The following ASAP2 variants were observed in gnomAD, a reference collection of about 807,000 sequenced individuals.
ASAP2 encodes the protein arf-GAP with SH3 domain, ANK repeat and PH domain-containing protein 2.
ASAP2 carries 45 observed loss-of-function variants against 131.4 expected under a neutral mutation model. That is an observed-to-expected ratio of 0.34 (90% CI 0.27 to 0.44). ASAP2 has a LOEUF of 0.44. Among genes scored for constraint, ASAP2 ranks in the 20% least tolerant of loss-of-function variants. ASAP2 has a pLI of 1.00. For missense variants in ASAP2, 1,011 were observed against 1,297.0 expected (o/e 0.78, Z 3.39); for synonymous variants, 510 against 503.0 (o/e 1.01, Z -0.19).
At chr2:9,294,155 T>C (rs1159086205) in intron 2 of ASAP2, among the ~76,000 whole-genome samples, 4 of 152,002 alleles carry the variant, frequency 2.6e-5, no homozygotes, top group Non-Finnish European at 5.9e-5. Flanking sequence ...TGTGCCACCA[T>C]GCCTGGCTAA....
chr2:9,256,961 T>G (rs1230196473), intron 1 of ASAP2, among the ~76,000 whole-genome samples: 1 of 152,234 alleles, frequency 6.6e-6, no homozygotes, highest in Non-Finnish European at 1.5e-5. Context: ...GCACAGCTGA[T>G]GGACTCATTC....
chr2:9,255,983 C>G (rs969680035), intron 1 of ASAP2, among the ~76,000 whole-genome samples: 3 of 152,010 alleles, frequency 2.0e-5, no homozygotes, highest in Admixed American at 2.0e-4. Context: ...TACAGTACCT[C>G]CAGTGATCTG....
chr2:9,395,051 G>A (rs1249266714), intron 24 of ASAP2, among the ~76,000 whole-genome samples: 1 of 152,160 alleles, frequency 6.6e-6, no homozygotes, highest in Non-Finnish European at 1.5e-5. Flanking sequence ...CCCAGAGAGA[G>A]GCCTGGCCCT....
At chr2:9,273,122 GT>G (rs1488363596) in intron 1 of ASAP2, among the ~76,000 whole-genome samples, 3 of 152,180 alleles carry the variant, frequency 2.0e-5, no homozygotes, top group African/African-American at 7.2e-5. Context: ...CATTGAATCT[GT>G]AAATCGTTCT....
chr2:9,247,716 G>A (rs555400966), intron 1 of ASAP2, among the ~76,000 whole-genome samples: 20 of 152,298 alleles, frequency 1.3e-4, no homozygotes, highest in African/African-American at 4.3e-4. Flanking sequence ...TGCCAGACGC[G>A]GAGTAGGTGT....
chr2:9,378,429 G>A (rs989377749), intron 18 of ASAP2, among the ~76,000 whole-genome samples: 1 of 152,210 alleles, frequency 6.6e-6, no homozygotes, highest in Non-Finnish European at 1.5e-5. Flanking sequence ...GGAGCCTGGG[G>A]ACTCTGGGCT....
chr2:9,235,188 C>T (rs59614278), intron 1 of ASAP2, among the ~76,000 whole-genome samples: 7,074 of 152,186 alleles, frequency 0.046, 431 homozygotes, highest in African/African-American at 0.13. Context: ...TAGAATTAAT[C>T]GAGTTAGAGA....
intron 2 of ASAP2, among the ~76,000 whole-genome samples, chr2:9,289,930 A>G (rs1288652448): frequency 6.6e-6 from 1 of 152,124 alleles, no homozygotes; most frequent in Non-Finnish European, 1.5e-5. Flanking sequence ...GGAAATGGGT[A>G]TTGAAAGTGG....
intron 15 of ASAP2, 113 bp from the exon 16 acceptor site, chr2:9,368,312 A>G: frequency 1.0e-6 from 1 of 955,024 alleles, no homozygotes; most frequent in South Asian, 1.5e-5. Flanking sequence ...AAACCACTTT[A>G]TTGCTCTATT....
At chr2:9,388,249 G>A (rs776122877) in intron 21 of ASAP2, 45 bp from the exon 22 acceptor site, 2 of 1,607,794 alleles carry the variant, frequency 1.2e-6, no homozygotes, top group African/African-American at 1.3e-5. Context: ...ACCAGGAGCA[G>A]TTCATATTTG....
chr2:9,394,865 G>A (rs1675993618), intron 24 of ASAP2, among the ~76,000 whole-genome samples: 2 of 152,208 alleles, frequency 1.3e-5, no homozygotes, highest in South Asian at 4.1e-4. Flanking sequence ...GCCTGGGGGT[G>A]GTTGGACACA....
At chr2:9,331,426 C>T (rs1025854063) in intron 7 of ASAP2, among the ~76,000 whole-genome samples, 1 of 152,168 alleles carries the variant, frequency 6.6e-6, no homozygotes, top group African/African-American at 2.4e-5. Flanking sequence ...AGATCCTGTA[C>T]TCTAGCGGAA....
rs977096494 is a variant in ASAP2 at position 9,374,901 on chromosome 2, A to G, written c.1703A>G (p.Asp568Gly). ...DIFGLLQAYA[D>G]GVDLTEKIPL... ...TTTGGATTGCTCCAAGCTTATGCTG[A>G]TGGTGTGGATCTTACGGAAAAAATC... Residue 568 changes from aspartate to glycine, a missense_variant, in exon 17 of 28, where the codon GAT becomes GGT. This residue lies in a region of ASAP2 where 652 missense variants were observed against 698.9 expected (regional missense o/e 0.93). Transcript: ENST00000281419. 4.4e-6 allele frequency: 7 copies of G among 1,599,002 alleles called. No homozygotes were observed. The highest frequency in any genetic ancestry group is 1.4e-5 in the African/African-American group (1 of 73,874).
intron 20 of ASAP2, among the ~76,000 whole-genome samples, chr2:9,383,762 C>G (rs746036241): frequency 2.6e-5 from 4 of 152,108 alleles, no homozygotes; most frequent in Non-Finnish European, 5.9e-5. Context: ...TGGAACCAAC[C>G]CAAATGTCTG....
chr2:9,399,848 C>T (rs1676475028), intron 24 of ASAP2, 175 bp from the exon 25 acceptor site: 2 of 651,188 alleles, frequency 3.1e-6, no homozygotes, highest in Non-Finnish European at 5.3e-6. Context: ...TTAGCACTTT[C>T]CTCAGGGCCT....
At position 9,290,451 on chromosome 2, in the gene ASAP2, C is replaced by G. The variant is rs113082089; in HGVS notation, c.200-6849C>G. On this transcript the variant is annotated intron_variant, in intron 2 of 27. Coordinates refer to ENST00000281419, the MANE Select transcript of ASAP2 (RefSeq NM_003887.3). The stretch of plus-strand genomic sequence containing the variant: ...TCTTGAACTCCTGACCTCAAGAGAT[C>G]TGCCCATCTCGGCCTCCCAAAGTGC... 4.0e-3 allele frequency among the ~76,000 whole-genome samples: 606 copies of G among 152,300 alleles called. 1 individual carries two copies. The highest frequency in any genetic ancestry group is 0.014 in the African/African-American group (576 of 41,574).
At chr2:9,376,507 CAT>C (rs1572583536) in intron 17 of ASAP2, among the ~76,000 whole-genome samples, 2 of 152,358 alleles carry the variant, frequency 1.3e-5, no homozygotes, top group African/African-American at 2.4e-5. Context: ...GCTTAAGAAA[CAT>C]ATGTTTCTAC....
intron 1 of ASAP2, among the ~76,000 whole-genome samples, chr2:9,213,458 G>T (rs868335881): frequency 5.3e-5 from 8 of 152,188 alleles, no homozygotes; most frequent in Non-Finnish European, 8.8e-5. Context: ...GAAGGGTTTT[G>T]AGCAGGGAAT....
chr2:9,216,954 T>A (rs998688543), intron 1 of ASAP2, among the ~76,000 whole-genome samples: 2 of 152,168 alleles, frequency 1.3e-5, no homozygotes, highest in Non-Finnish European at 2.9e-5. Context: ...AGATATGCTT[T>A]AAATTCTTTA....
Sources: allele counts gnomAD v4.1 joint callset (sites outside exome capture counted in the v4.1 genomes callset), GRCh38; gene constraint gnomAD v4.1.1; regional missense constraint gnomAD v4.1.1; transcripts MANE v1.5; gene names NCBI Gene and HGNC (gene_info 2026-07-23, HGNC 2026-07-21).